SLC12A1: variants seen among roughly 807,000 people sequenced by gnomAD.
SLC12A1 encodes solute carrier family 12 member 1.
A neutral mutation model predicts 130.4 loss-of-function variants in SLC12A1; 89 were observed. The observed-to-expected ratio is 0.68, with a 90% CI of 0.58 to 0.81. The LOEUF (loss-of-function observed/expected upper bound fraction) is 0.81. SLC12A1 is among the 40% of genes least tolerant of loss of function. The pLI is 0.00. For missense variants in SLC12A1, 1,310 were observed against 1,336.4 expected, an observed-to-expected ratio of 0.98 and a Z score of 0.31; for synonymous variants, 499 against 460.0, an observed-to-expected ratio of 1.08 and a Z score of -1.09.
chr15:48,299,822 T>C (rs919833523), intron 25 of SLC12A1, among the ~76,000 whole-genome samples: 1 of 152,202 alleles, frequency 6.6e-6, no homozygotes, highest in Admixed American at 6.5e-5. Context: ...CTGTGCCTTC[T>C]GTCCTGAGCC....
At position 48,285,254 on chromosome 15, in the gene SLC12A1, GA is replaced by G; in HGVS notation, c.2629+7del. The G allele has an allele frequency of 1.2e-6, 2 of 1,612,996 alleles. No homozygotes were observed. The highest frequency in any genetic ancestry group is 8.5e-7 in the Non-Finnish European group (1 of 1,179,584). On this transcript the variant is annotated splice_donor_region_variant and intron_variant, in intron 21 of 26. Transcript: ENST00000380993. ...CTAAGACAACGCCTAAAAAAGGTAAGAACTTTTTAAAATTTGCAAAAAAGTT... is the reference window on the plus strand; with the variant it reads ...CTAAGACAACGCCTAAAAAAGGTAAGACTTTTTAAAATTTGCAAAAAAGTT...
chr15:48,289,394 CAT>C (rs10609887), intron 23 of SLC12A1, among the ~76,000 whole-genome samples: 1,307 of 112,796 alleles, frequency 0.012, 21 homozygotes, highest in East Asian at 0.06. Flanking sequence ...GTGAATGTGA[CAT>C]ATATATATAT....
rs768315880 is a variant in SLC12A1 at position 48,220,731 on chromosome 15, G to T, written c.518G>T (p.Gly173Val). ...GAAAATAAGGAAGATGATCAAGCTG[G>T]TGTTGTGAAGTTTGGATGGGTGAAA... ...QAENKEDDQA[G>V]VVKFGWVKGV... Residue 173 changes from glycine to valine, a missense_variant, in exon 3 of 27, where the codon GGT becomes GTT. By Grantham distance (109) the Gly-to-Val change is moderately radical. Transcript: ENST00000380993. 6.2e-7 allele frequency: 1 copy of T among 1,613,956 alleles called. No individual in the cohort carries two copies. Among genetic ancestry groups the T allele is most frequent in the Non-Finnish European group, 8.5e-7 (1 of 1,179,888 alleles).
At chr15:48,226,199 G>A (rs910167845) in intron 4 of SLC12A1, 1 of 355,146 alleles carries the variant, frequency 2.8e-6, no homozygotes, top group Non-Finnish European at 5.0e-6. Context: ...AGCCAGGATA[G>A]TTTCTCTCCC....
At chr15:48,273,667 T>C (rs1161864406) in intron 19 of SLC12A1, among the ~76,000 whole-genome samples, 1 of 152,184 alleles carries the variant, frequency 6.6e-6, no homozygotes, top group Non-Finnish European at 1.5e-5. Flanking sequence ...TAAAGATTAC[T>C]TATGGTTTGG....
At chr15:48,300,999 G>A (rs1182738532) in intron 25 of SLC12A1, among the ~76,000 whole-genome samples, 1 of 152,204 alleles carries the variant, frequency 6.6e-6, no homozygotes, top group East Asian at 1.9e-4. Flanking sequence ...GAGGCTCCTT[G>A]TAGTGTAGGA....
chr15:48,234,287 CA>C (rs200852767), intron 8 of SLC12A1, among the ~76,000 whole-genome samples: 2 of 151,970 alleles, frequency 1.3e-5, no homozygotes, highest in Non-Finnish European at 2.9e-5. Flanking sequence ...TTTCTAGATG[CA>C]AAAAAGTCAG....
intron 24 of SLC12A1, among the ~76,000 whole-genome samples, chr15:48,292,926 T>A (rs189456650): frequency 1.3e-5 from 2 of 151,520 alleles, no homozygotes; most frequent in Admixed American, 1.3e-4. Context: ...TTTTGTGGGG[T>A]TTTTTTTGAG....
At chr15:48,289,512 C>T (rs939234915) in intron 23 of SLC12A1, among the ~76,000 whole-genome samples, 1 of 149,020 alleles carries the variant, frequency 6.7e-6, no homozygotes, top group Non-Finnish European at 1.5e-5. Context: ...TTATACACTG[C>T]TACATTGTTA....
chr15:48,298,809 T>A (rs1478681694), intron 24 of SLC12A1, among the ~76,000 whole-genome samples: 2 of 152,256 alleles, frequency 1.3e-5, no homozygotes, highest in Non-Finnish European at 2.9e-5. Context: ...TCGACTACAC[T>A]ATGCAGAAAA....
intron 26 of SLC12A1, 120 bp downstream of exon 26, chr15:48,301,502 T>TTG (rs370756380): frequency 1.0e-4 from 45 of 439,848 alleles, no homozygotes; most frequent in South Asian, 8.3e-4. Context: ...GTGTTTTTTT[T>TTG]GGGGGGGGGA....
At chr15:48,241,956 G>A (rs2041521540) in intron 10 of SLC12A1, among the ~76,000 whole-genome samples, 1 of 152,138 alleles carries the variant, frequency 6.6e-6, no homozygotes, top group African/African-American at 2.4e-5. Flanking sequence ...ACAGAGTAGA[G>A]AAAAGAAGTG....
At chr15:48,247,806 G>A (rs969284769) in intron 13 of SLC12A1, among the ~76,000 whole-genome samples, 3 of 152,186 alleles carry the variant, frequency 2.0e-5, no homozygotes, top group African/African-American at 7.2e-5. Context: ...TTGCCTGTTA[G>A]TGTTTCTGGA....
intron 24 of SLC12A1, among the ~76,000 whole-genome samples, chr15:48,296,079 A>G (rs2042175199): frequency 6.6e-6 from 1 of 152,128 alleles, no homozygotes; most frequent in Non-Finnish European, 1.5e-5. Context: ...AGAATAGAAC[A>G]CTGGCTCTAT....
intron 9 of SLC12A1, 103 bp downstream of exon 9, chr15:48,235,107 T>C: frequency 8.3e-7 from 1 of 1,205,712 alleles, no homozygotes; most frequent in Non-Finnish European, 1.2e-6. Context: ...CCCTACAGAT[T>C]CAAACTGTAG....
intron 2 of SLC12A1, among the ~76,000 whole-genome samples, chr15:48,214,497 C>T (rs1018723662): frequency 6.6e-6 from 1 of 152,044 alleles, no homozygotes; most frequent in Non-Finnish European, 1.5e-5. Context: ...AGTAAATGCA[C>T]TATGATTACA....
intron 2 of SLC12A1, among the ~76,000 whole-genome samples, chr15:48,209,877 G>A (rs1371389075): frequency 6.6e-6 from 1 of 152,090 alleles, no homozygotes; most frequent in African/African-American, 2.4e-5. Flanking sequence ...CTAGTCCTGT[G>A]TACTAAATCG....
rs2042256819 is a variant in SLC12A1, at chr15:48,303,460, T to A, written c.*575T>A. 1 of 152,208 alleles carries A rather than the reference T, an allele frequency of 6.6e-6. No individual in the cohort carries two copies. Among genetic ancestry groups the A allele is most frequent in the Non-Finnish European group, 1.5e-5 (1 of 68,044 alleles). 9.4% of individuals were successfully genotyped at this position (152,208 alleles called of 1,614,324 possible). On this transcript the variant is annotated 3_prime_UTR_variant, in exon 27 of 27. Coordinates refer to ENST00000380993, the MANE Select transcript of SLC12A1 (RefSeq NM_000338.3). Reference sequence around the variant, plus strand: ...AAGAAGTAGTTGAGTCTACAAAATATTCAAAGCAGTTACCTAAATAAGGTT... The same window carrying A: ...AAGAAGTAGTTGAGTCTACAAAATAATCAAAGCAGTTACCTAAATAAGGTT...
intron 2 of SLC12A1, among the ~76,000 whole-genome samples, chr15:48,208,945 T>C (rs543340665): frequency 1.1e-3 from 175 of 152,314 alleles, no homozygotes; most frequent in African/African-American, 4.1e-3. Flanking sequence ...CTCCTGAATG[T>C]GCTTAAGCAT....
Sources: allele counts gnomAD v4.1 joint callset (sites outside exome capture counted in the v4.1 genomes callset), GRCh38; gene constraint gnomAD v4.1.1; transcripts MANE v1.5; gene names NCBI Gene and HGNC (gene_info 2026-07-23, HGNC 2026-07-21).